CDH18: variants seen among roughly 807,000 people sequenced by gnomAD.
CDH18 encodes the protein cadherin 18, also known as cadherin-18.
In CDH18, 31 loss-of-function variants were observed where a neutral mutation model predicts 67.9. The ratio of observed to expected loss-of-function variants is 0.46; its 90% confidence interval spans 0.34 to 0.62. The LOEUF is 0.62. CDH18 is among the 20% of genes least tolerant of loss of function. The pLI is 0.01. For synonymous variants in CDH18, 362 were observed against 347.2 expected (o/e 1.04, Z -0.48); for missense variants, 890 against 975.5 (o/e 0.91, Z 1.17).
At chr5:20,137,591 C>T (rs186813083) in intron 2 of CDH18, among the ~76,000 whole-genome samples, 62 of 152,152 alleles carry the variant, frequency 4.1e-4, no homozygotes, top group Middle Eastern at 6.8e-3. Flanking sequence ...TCTGTGAACT[C>T]GTCAAAGTCA....
At chr5:19,497,127 A>C (rs1742476668) in intron 11 of CDH18, among the ~76,000 whole-genome samples, 2 of 151,438 alleles carry the variant, frequency 1.3e-5, no homozygotes. Context: ...CCCTACCCCC[A>C]CCAGGACAAA....
intron 2 of CDH18, among the ~76,000 whole-genome samples, chr5:20,121,913 C>T (rs972405952): frequency 3.3e-5 from 5 of 152,224 alleles, no homozygotes; most frequent in Non-Finnish European, 5.9e-5. Context: ...TTAAGGTCAC[C>T]ACTATCATGG....
intron 3 of CDH18, among the ~76,000 whole-genome samples, chr5:19,793,754 A>C (rs1041317299): frequency 2.6e-5 from 4 of 152,182 alleles, no homozygotes; most frequent in African/African-American, 9.6e-5. Context: ...TGTACTCCTG[A>C]AAGGTAAGAG....
intron 1 of CDH18, among the ~76,000 whole-genome samples, chr5:20,493,860 A>G (rs1011524170): frequency 2.0e-5 from 3 of 152,058 alleles, no homozygotes; most frequent in African/African-American, 4.8e-5. Context: ...CTGGTGTTAC[A>G]TCGGGTCTGA....
chr5:19,748,112 CAAAA>C (rs766955714), intron 3 of CDH18, among the ~76,000 whole-genome samples: 5 of 14,858 alleles, frequency 3.4e-4, no homozygotes, highest in African/African-American at 8.9e-4. Context: ...GACTCCATCT[CAAAA>C]AAAAAAAAAA....
chr5:20,275,457 C>T (rs1292717260), intron 1 of CDH18, among the ~76,000 whole-genome samples: 2 of 152,148 alleles, frequency 1.3e-5, no homozygotes, highest in East Asian at 3.9e-4. Flanking sequence ...TCAGGTAAAC[C>T]TCTTTTCTTC....
intron 1 of CDH18, among the ~76,000 whole-genome samples, chr5:20,317,639 C>G (rs1389010906): frequency 6.6e-6 from 1 of 152,108 alleles, no homozygotes; most frequent in Non-Finnish European, 1.5e-5. Context: ...TTAGCTTTGA[C>G]TAATGCTTAC....
chr5:20,272,292 G>T (rs1745493722), intron 1 of CDH18, among the ~76,000 whole-genome samples: 1 of 152,174 alleles, frequency 6.6e-6, no homozygotes, highest in East Asian at 1.9e-4. Context: ...ATCTGAGATG[G>T]ATTGGGTCAA....
At chr5:19,675,714 T>C (rs1303431770) in intron 5 of CDH18, among the ~76,000 whole-genome samples, 1 of 152,012 alleles carries the variant, frequency 6.6e-6, no homozygotes, top group African/African-American at 2.4e-5. Flanking sequence ...TGAGGCGACA[T>C]TCATCCTCAG....
chr5:19,578,137 C>A (rs1742625738), intron 7 of CDH18, among the ~76,000 whole-genome samples: 2 of 152,206 alleles, frequency 1.3e-5, no homozygotes. Context: ...AGACAGCACA[C>A]TGGTTTCTCG....
At chr5:19,993,070 A>T (rs183112198), upstream of CDH18, among the ~76,000 whole-genome samples, 1 of 152,318 alleles carries the variant, frequency 6.6e-6, no homozygotes, top group East Asian at 1.9e-4. Flanking sequence ...ATCATTCATG[A>T]AGAAATTGTC....
At chr5:20,481,071 G>C (rs1189902717) in intron 1 of CDH18, among the ~76,000 whole-genome samples, 1 of 151,762 alleles carries the variant, frequency 6.6e-6, no homozygotes, top group African/African-American at 2.4e-5. Flanking sequence ...AAAAAAGCAA[G>C]ACCCAGTATC....
intron 5 of CDH18, among the ~76,000 whole-genome samples, chr5:19,657,940 A>G (rs1026689803): frequency 6.6e-6 from 1 of 152,130 alleles, no homozygotes; most frequent in African/African-American, 2.4e-5. Flanking sequence ...TTCAATGGAC[A>G]ACTCTTAGTC....
intron 3 of CDH18, among the ~76,000 whole-genome samples, chr5:19,780,474 C>T (rs1245610131): frequency 2.6e-5 from 4 of 151,838 alleles, no homozygotes; most frequent in African/African-American, 9.7e-5. Context: ...CATTATTGTT[C>T]ACAAAATATT....
At position 20,353,881 on chromosome 5, in the gene CDH18, T is replaced by C. The variant is rs181660430; in HGVS notation, c.-579-98376A>G. Among the ~76,000 whole-genome samples, 284 of 152,334 alleles carry C rather than the reference T, an allele frequency of 1.9e-3. 1 individual carries two copies. Among genetic ancestry groups the C allele is most frequent in the African/African-American group, 6.3e-3 (262 of 41,590 alleles). Reference sequence around the variant, plus strand: ...AAAGGAAACTAGACAGGTTTCCGTATACTGGAAGCTAAAGAGTCCCTTGCC... The same window carrying C: ...AAAGGAAACTAGACAGGTTTCCGTACACTGGAAGCTAAAGAGTCCCTTGCC... On this transcript the variant is annotated intron_variant, in intron 1 of 14. Coordinates refer to the CDH18 transcript ENST00000507958.
intron 8 of CDH18, among the ~76,000 whole-genome samples, chr5:19,548,066 C>T (rs1736649709): frequency 1.3e-5 from 2 of 152,038 alleles, no homozygotes; most frequent in Admixed American, 1.3e-4. Flanking sequence ...AGAGATGAGG[C>T]TATTCTCAGT....
chr5:19,799,977 A>G (rs989406697), intron 3 of CDH18, among the ~76,000 whole-genome samples: 4 of 152,206 alleles, frequency 2.6e-5, no homozygotes, highest in Admixed American at 1.3e-4. Context: ...GTCCCATTAA[A>G]TTATTAAAAG....
intron 1 of CDH18, among the ~76,000 whole-genome samples, chr5:20,328,511 G>C (rs1307226075): frequency 1.4e-5 from 2 of 145,006 alleles, no homozygotes; most frequent in Non-Finnish European, 3.0e-5. Flanking sequence ...GTGTGTGTGA[G>C]AGAGAGAGAG....
chr5:19,639,253 C>T (rs1174367516), intron 5 of CDH18, among the ~76,000 whole-genome samples: 2 of 152,106 alleles, frequency 1.3e-5, no homozygotes, highest in South Asian at 4.2e-4. Flanking sequence ...CTGCCTGCCT[C>T]GGCCTCCCAA....
Sources: allele counts gnomAD v4.1 joint callset (sites outside exome capture counted in the v4.1 genomes callset), GRCh38; gene constraint gnomAD v4.1.1; transcripts MANE v1.5; gene names NCBI Gene and HGNC (gene_info 2026-07-23, HGNC 2026-07-21).